The following SNX29 variants were observed in gnomAD, a reference collection of about 807,000 sequenced individuals.
SNX29 encodes the protein sorting nexin-29.
Under a neutral mutation model 102.1 loss-of-function variants are expected in SNX29, and 78 were observed. The observed-to-expected ratio is 0.76, with a 90% CI of 0.64 to 0.92. SNX29 has a LOEUF of 0.92. Among genes scored for constraint, SNX29 ranks in the 40% least tolerant of loss-of-function variants. The probability of loss-of-function intolerance (pLI) is 0.00; values close to 1 mark genes in which losing one functional copy is unlikely to be tolerated. For missense variants in SNX29, 1,280 were observed against 1,061.7 expected (o/e 1.21, Z -2.86); for synonymous variants, 580 against 414.5 (o/e 1.40, Z -4.85).
chr16:12,490,957 A>T (rs1039872805), intron 19 of SNX29, among the ~76,000 whole-genome samples: 1 of 152,236 alleles, frequency 6.6e-6, no homozygotes, highest in Non-Finnish European at 1.5e-5. Flanking sequence ...CTGTGTCCTT[A>T]TATTACATAT....
intron 15 of SNX29, among the ~76,000 whole-genome samples, chr16:12,283,314 T>G (rs546905638): frequency 4.0e-5 from 6 of 151,812 alleles, no homozygotes; most frequent in East Asian, 3.9e-4. Context: ...TGGAGTTGTT[T>G]TTTTTTTTTT....
chr16:12,534,390 C>G (rs959355806), intron 20 of SNX29, among the ~76,000 whole-genome samples: 3 of 152,338 alleles, frequency 2.0e-5, no homozygotes, highest in Non-Finnish European at 4.4e-5. Flanking sequence ...GTGGCAGCTT[C>G]TTTTGCTTCT....
At chr16:12,045,534 T>A (rs2050051265) in intron 5 of SNX29, among the ~76,000 whole-genome samples, 1 of 151,876 alleles carries the variant, frequency 6.6e-6, no homozygotes, top group Non-Finnish European at 1.5e-5. Context: ...CCATCTATAT[T>A]TGTGGGGCAT....
At chr16:12,435,115 T>G (rs1173748553) in intron 18 of SNX29, among the ~76,000 whole-genome samples, 1 of 152,086 alleles carries the variant, frequency 6.6e-6, no homozygotes, top group African/African-American at 2.4e-5. Context: ...ACTTTGCCAT[T>G]TGCAGCTGTT....
intron 18 of SNX29, among the ~76,000 whole-genome samples, chr16:12,404,416 T>C (rs1480991641): frequency 6.6e-6 from 1 of 152,070 alleles, no homozygotes. Context: ...CTTCTCCTCC[T>C]CTCTCTTACC....
chr16:12,510,925 T>C (rs906074836), intron 19 of SNX29, among the ~76,000 whole-genome samples: 1 of 152,102 alleles, frequency 6.6e-6, no homozygotes, highest in Non-Finnish European at 1.5e-5. Flanking sequence ...GGGTCCTTCC[T>C]GTGGGGAGAC....
intron 16 of SNX29, among the ~76,000 whole-genome samples, chr16:12,383,159 A>G (rs1278500619): frequency 2.0e-5 from 3 of 152,028 alleles, no homozygotes; most frequent in Non-Finnish European, 4.4e-5. Context: ...CATCGCTGTC[A>G]CCTCCATTCC....
chr16:12,249,181 A>T (rs951201476), intron 14 of SNX29, among the ~76,000 whole-genome samples: 1 of 152,146 alleles, frequency 6.6e-6, no homozygotes, highest in Non-Finnish European at 1.5e-5. Context: ...CTGCTCCATG[A>T]TGTCTGAGGC....
chr16:12,299,555 C>G lies in SNX29; in HGVS notation c.1782+21519C>G, dbSNP rs368746783. ...CCTGTTCCTCCAGGGGGCCCTGGCTCTTTGACTGGGAAAAGGTATTTATAC... is the reference window on the plus strand; with the variant it reads ...CCTGTTCCTCCAGGGGGCCCTGGCTGTTTGACTGGGAAAAGGTATTTATAC... On this transcript the variant is annotated intron_variant, in intron 15 of 20. Coordinates refer to ENST00000566228, the MANE Select transcript of SNX29 (RefSeq NM_032167.5). Among the ~76,000 whole-genome samples, 17 of 152,250 alleles carry G rather than the reference C, an allele frequency of 1.1e-4. 1 individual carries two copies. In the South Asian group the frequency reaches 1.7e-3, roughly 15 times the overall value.
At chr16:12,407,326 TTG>T (rs1049227004) in intron 18 of SNX29, among the ~76,000 whole-genome samples, 50 of 102,628 alleles carry the variant, frequency 4.9e-4, no homozygotes, top group African/African-American at 1.8e-3. Flanking sequence ...GTTAATTAGA[TTG>T]TTTTTTTTTT....
At chr16:12,532,012 A>T (rs1334877409) in intron 20 of SNX29, among the ~76,000 whole-genome samples, 1 of 152,136 alleles carries the variant, frequency 6.6e-6, no homozygotes, top group Non-Finnish European at 1.5e-5. Flanking sequence ...GACAGAGGAG[A>T]GGCAGGAGCA....
At position 12,565,256 on chromosome 16, in the gene SNX29, T is replaced by G. The variant is rs572738821; in HGVS notation, c.2319-3250T>G. 3.9e-5 allele frequency among the ~76,000 whole-genome samples: 6 copies of G among 152,294 alleles called. No homozygotes were observed. In the East Asian group the frequency reaches 1.2e-3, roughly 29 times the overall value. On this transcript the variant is annotated intron_variant, in intron 20 of 20. Transcript: ENST00000566228. The stretch of plus-strand genomic sequence containing the variant: ...TGTTCTCAATCTATAAAGATGGCAG[T>G]TGCAAGAGGTTCAGCCTCACATACG...
chr16:12,323,764 C>T (rs945034734), intron 15 of SNX29, among the ~76,000 whole-genome samples: 1 of 152,144 alleles, frequency 6.6e-6, no homozygotes, highest in African/African-American at 2.4e-5. Context: ...CATTTTTATC[C>T]CTTCCCTGTG....
chr16:12,512,917 G>A (rs963688211), intron 19 of SNX29, among the ~76,000 whole-genome samples: 1 of 152,082 alleles, frequency 6.6e-6, no homozygotes, highest in South Asian at 2.1e-4. Context: ...CGTCACCAAA[G>A]CACTTGTTTG....
chr16:12,233,292 A>G (rs905281268), intron 14 of SNX29, among the ~76,000 whole-genome samples: 10 of 152,226 alleles, frequency 6.6e-5, no homozygotes, highest in African/African-American at 2.2e-4. Context: ...TTGCAGCAGT[A>G]TGAATGCAGC....
chr16:12,086,234 T>C (rs2151379047), intron 11 of SNX29, among the ~76,000 whole-genome samples: 1 of 152,048 alleles, frequency 6.6e-6, no homozygotes, highest in East Asian at 1.9e-4. Context: ...TCAATCTCCT[T>C]TCCTTGTGAT....
intron 14 of SNX29, among the ~76,000 whole-genome samples, chr16:12,206,481 A>G (rs1457255334): frequency 1.3e-5 from 2 of 151,752 alleles, no homozygotes; most frequent in Non-Finnish European, 2.9e-5. Context: ...CTCTGCCAAC[A>G]CGATGTCACT....
chr16:12,052,574 G>T (rs118164933), intron 8 of SNX29: 2 of 274,660 alleles, frequency 7.3e-6, no homozygotes, highest in East Asian at 9.1e-5. Flanking sequence ...CTATGGTATT[G>T]GGTAAAATAG....
chr16:12,337,042 A>G (rs2081472496), intron 15 of SNX29, among the ~76,000 whole-genome samples: 1 of 152,172 alleles, frequency 6.6e-6, no homozygotes, highest in Non-Finnish European at 1.5e-5. Context: ...CAGGCCTGGG[A>G]GATGTTTTCT....
Sources: allele counts gnomAD v4.1 joint callset (sites outside exome capture counted in the v4.1 genomes callset), GRCh38; gene constraint gnomAD v4.1.1; transcripts MANE v1.5; gene names NCBI Gene and HGNC (gene_info 2026-07-23, HGNC 2026-07-21).